TMIGD3: variants seen among roughly 807,000 people sequenced by gnomAD.
TMIGD3 encodes the protein transmembrane and immunoglobulin domain containing 3.
Under a neutral mutation model 28.1 loss-of-function variants are expected in TMIGD3, and 21 were observed. That is an observed-to-expected ratio of 0.75 (90% CI 0.53 to 1.08). TMIGD3 has a LOEUF of 1.08. Among genes scored for constraint, TMIGD3 ranks in the 50% least tolerant of loss-of-function variants. The probability of loss-of-function intolerance (pLI) is 0.00; values close to 1 mark genes in which losing one functional copy is unlikely to be tolerated. For missense variants in TMIGD3, 416 were observed against 435.6 expected (o/e 0.96, Z 0.40); for synonymous variants, 151 against 162.1 (o/e 0.93, Z 0.52).
intron 1 of TMIGD3, among the ~76,000 whole-genome samples, chr1:111,561,916 G>GC (rs1373574154): frequency 6.6e-6 from 1 of 151,380 alleles, no homozygotes; most frequent in Non-Finnish European, 1.5e-5. Flanking sequence ...TCTCCTCCTT[G>GC]CCCCTGGCCT....
At chr1:111,507,893 C>T (rs1368713012), upstream of TMIGD3, among the ~76,000 whole-genome samples, 1 of 152,258 alleles carries the variant, frequency 6.6e-6, no homozygotes, top group African/African-American at 2.4e-5. Context: ...CCACCACTCT[C>T]CGGGCTCTGC....
chr1:111,506,701 C>A (rs1655501107), upstream of TMIGD3, among the ~76,000 whole-genome samples: 1 of 151,890 alleles, frequency 6.6e-6, no homozygotes, highest in African/African-American at 2.4e-5. Flanking sequence ...AAGAAAGTAG[C>A]CACCAAGACT....
intron 1 of TMIGD3, among the ~76,000 whole-genome samples, chr1:111,555,084 G>A (rs2101040240): frequency 6.6e-6 from 1 of 152,208 alleles, no homozygotes; most frequent in Admixed American, 6.5e-5. Context: ...TGATCAGGCA[G>A]GCGGGGCACA....
At chr1:111,536,390 G>C (rs531899667) in intron 1 of TMIGD3, among the ~76,000 whole-genome samples, 1 of 152,132 alleles carries the variant, frequency 6.6e-6, no homozygotes. Context: ...GCAGCACTGT[G>C]GGAAAATCCC....
intron 1 of TMIGD3, among the ~76,000 whole-genome samples, chr1:111,530,605 A>ATTTT (rs1376050062): frequency 6.6e-6 from 1 of 152,008 alleles, no homozygotes; most frequent in East Asian, 1.9e-4. Context: ...GTTTTGACAA[A>ATTTT]TTTTTTTCTT....
rs762366593 is a variant in TMIGD3 at position 111,488,879 on chromosome 1, G to A, written c.603C>T (p.Phe201=). The change falls in exon 3 of 6, where the codon TTC becomes TTT. Residue 201 remains phenylalanine (F), a synonymous_variant. Transcript: ENST00000369716. The part of the protein sequence containing the change: ...YFRDYCNIIA[F]SPNSTNHVAL... ...CCACATGATTGGTGCTGTTAGGGGAGAAGGCGATGATGTTGCAGTAGTCAC... is the reference window on the plus strand; with the variant it reads ...CCACATGATTGGTGCTGTTAGGGGAAAAGGCGATGATGTTGCAGTAGTCAC... 6.2e-7 allele frequency: 1 copy of A among 1,614,238 alleles called. No homozygotes were observed. Among genetic ancestry groups the A allele is most frequent in the Non-Finnish European group, 8.5e-7 (1 of 1,180,046 alleles).
At chr1:111,485,521 G>A (rs947732445) in intron 5 of TMIGD3, 1 of 476,572 alleles carries the variant, frequency 2.1e-6, no homozygotes, top group African/African-American at 2.0e-5. Flanking sequence ...ACCTACACAT[G>A]TATCCACTTA....
At chr1:111,504,054 C>T (rs1387344897), upstream of TMIGD3, 2 of 985,284 alleles carry the variant, frequency 2.0e-6, no homozygotes, top group East Asian at 2.3e-4. Context: ...AGAACTATTC[C>T]TGCTAAGTTC....
upstream of TMIGD3, among the ~76,000 whole-genome samples, chr1:111,505,875 T>C (rs545360048): frequency 1.3e-5 from 2 of 152,282 alleles, no homozygotes; most frequent in South Asian, 2.1e-4. Flanking sequence ...GAGTGGCTTA[T>C]ACCCTTCTGA....
upstream of TMIGD3, chr1:111,504,861 C>T: frequency 2.0e-6 from 2 of 985,258 alleles, no homozygotes; most frequent in Non-Finnish European, 2.4e-6. Context: ...TTACCAAATC[C>T]CATACTTGTC....
intron 1 of TMIGD3, among the ~76,000 whole-genome samples, chr1:111,525,106 AT>A (rs1478602155): frequency 6.6e-6 from 1 of 152,154 alleles, no homozygotes; most frequent in Non-Finnish European, 1.5e-5. Context: ...TAATTGGTAA[AT>A]GTTCTATGTG....
intron 2 of TMIGD3, chr1:111,490,411 C>T (rs1197745705): frequency 2.0e-5 from 10 of 512,404 alleles, no homozygotes; most frequent in Non-Finnish European, 3.1e-5. Context: ...ATATGTGCTG[C>T]CAAAGTGAGT....
At chr1:111,506,229 A>G (rs1367834428), upstream of TMIGD3, among the ~76,000 whole-genome samples, 1 of 152,178 alleles carries the variant, frequency 6.6e-6, no homozygotes, top group Non-Finnish European at 1.5e-5. Flanking sequence ...TCTCGCCCCT[A>G]CTATGATGCC....
At chr1:111,484,595 T>C (rs1654271808) in intron 5 of TMIGD3, among the ~76,000 whole-genome samples, 1 of 152,208 alleles carries the variant, frequency 6.6e-6, no homozygotes, top group African/African-American at 2.4e-5. Context: ...GCCACTACTT[T>C]GCTTTTTTTA....
chr1:111,558,747 A>C (rs927323826), intron 1 of TMIGD3, among the ~76,000 whole-genome samples: 3 of 152,196 alleles, frequency 2.0e-5, no homozygotes, highest in Admixed American at 6.5e-5. Context: ...AATTTAAACT[A>C]TGTAAAGTAA....
At position 111,488,967 on chromosome 1, in the gene TMIGD3, G is replaced by T. The variant is rs754173415; in HGVS notation, c.515C>A (p.Ala172Asp). ...GTAGTGGGCATTGTAGTTGCAGATGGCAGAAGCCGTGTCCAGCACAAAGCT... is the reference window on the plus strand; with the variant it reads ...GTAGTGGGCATTGTAGTTGCAGATGTCAGAAGCCGTGTCCAGCACAAAGCT... Reference protein sequence around the residue: ...KRSFVLDTASAICNYNAHYKN... With the variant: ...KRSFVLDTASDICNYNAHYKN... Residue 172 changes from alanine (A) to aspartate (D), a missense_variant, in exon 3 of 6, where the codon GCC becomes GAC. Coordinates refer to ENST00000369716, the MANE Select transcript of TMIGD3 (RefSeq NM_020683.7). 7 of 1,613,996 alleles carry T rather than the reference G, an allele frequency of 4.3e-6. No individual in the cohort carries two copies.
At chr1:111,488,214 C>T (rs868631180) in intron 3 of TMIGD3, among the ~76,000 whole-genome samples, 1 of 151,450 alleles carries the variant, frequency 6.6e-6, no homozygotes, top group African/African-American at 2.4e-5. Context: ...TCTAGACCGA[C>T]AAGGCACACA....
rs147585350 is a variant in TMIGD3 at position 111,514,685 on chromosome 1, C to G, written c.108-23923G>C. Among the ~76,000 whole-genome samples the G allele has an allele frequency of 2.6e-3, 393 of 151,394 alleles. 2 individuals carry two copies. The highest frequency in any genetic ancestry group is 9.2e-3 in the African/African-American group (375 of 40,772). On this transcript the variant is annotated intron_variant, in intron 1 of 5. Coordinates refer to the TMIGD3 transcript ENST00000369717. ...ACACACACATCATACCATGCTGCCTCCCTTAAAGTCATGGTAAAAAGAGTC... is the reference window on the plus strand; with the variant it reads ...ACACACACATCATACCATGCTGCCTGCCTTAAAGTCATGGTAAAAAGAGTC...
At chr1:111,556,913 A>ATATT (rs202111917) in intron 1 of TMIGD3, among the ~76,000 whole-genome samples, 1 of 148,520 alleles carries the variant, frequency 6.7e-6, no homozygotes, top group East Asian at 1.9e-4. Context: ...ATATATATGT[A>ATATT]TGTACATATA....
Sources: allele counts gnomAD v4.1 joint callset (sites outside exome capture counted in the v4.1 genomes callset), GRCh38; gene constraint gnomAD v4.1.1; transcripts MANE v1.5; gene names NCBI Gene and HGNC (gene_info 2026-07-23, HGNC 2026-07-21).